MMP28: variants seen among roughly 807,000 people sequenced by gnomAD.
MMP28 encodes the protein matrix metalloproteinase-28.
In MMP28, 55 loss-of-function variants were observed where a neutral mutation model predicts 60.5. That is an observed-to-expected ratio of 0.91 (90% CI 0.73 to 1.14). The LOEUF is 1.14. Ranked by LOEUF, MMP28 falls within the 50% of genes most tolerant of loss-of-function variation. The pLI is 0.00. For synonymous variants in MMP28, 318 were observed against 312.5 expected (o/e 1.02, Z -0.18); for missense variants, 686 against 738.3 (o/e 0.93, Z 0.82).
At position 35,767,839 on chromosome 17, in the gene MMP28, G is replaced by T; in HGVS notation, c.1081C>A (p.Pro361Thr). The change falls in exon 7 of 8, where the codon CCA (proline) becomes ACA (threonine). Residue 361 changes from proline (P) to threonine (T), a missense_variant. Coordinates refer to ENST00000605424, the MANE Select transcript of MMP28 (RefSeq NM_024302.5). ...AADGNVSEPR[P>T]LQERWVGLPP... ...AGCCCGACCCATCTTTCCTGCAGTG[G>T]ACGGGGCTCTGAGACGTTGCCATCA... 1 of 1,612,332 alleles carries T rather than the reference G, an allele frequency of 6.2e-7. No homozygotes were observed. Among genetic ancestry groups the T allele is most frequent in the Non-Finnish European group, 8.5e-7 (1 of 1,179,458 alleles).
At chr17:35,794,046 C>G (rs553715356) in intron 1 of MMP28, among the ~76,000 whole-genome samples, 1 of 151,556 alleles carries the variant, frequency 6.6e-6, no homozygotes, top group East Asian at 2.0e-4. Context: ...TGCAGTGAGC[C>G]GAGATCTAGC....
chr17:35,767,388 ATT>A (rs2085979086), intron 7 of MMP28, among the ~76,000 whole-genome samples: 1 of 152,186 alleles, frequency 6.6e-6, no homozygotes. Context: ...AGTGTGAGGT[ATT>A]GTTTTCCCCA....
intron 1 of MMP28, among the ~76,000 whole-genome samples, chr17:35,781,413 C>G (rs564165430): frequency 6.6e-6 from 1 of 152,310 alleles, no homozygotes; most frequent in Admixed American, 6.5e-5. Context: ...CTGAATATTT[C>G]AGCATGTAGG....
In MMP28 at chr17:35,794,915, G is replaced by C. The variant is rs545798704; in HGVS notation, c.111+352C>G. ...CAGCACCAAACTGAGGCTTCCACACGGTTCGGGGGCATCCGACGAATGAAC... is the reference window on the plus strand; with the variant it reads ...CAGCACCAAACTGAGGCTTCCACACCGTTCGGGGGCATCCGACGAATGAAC... On this transcript the variant is annotated intron_variant, in intron 1 of 7. Coordinates refer to ENST00000605424, the MANE Select transcript of MMP28 (RefSeq NM_024302.5). Among the ~76,000 whole-genome samples the C allele has an allele frequency of 4.6e-5, 7 of 152,296 alleles. No individual in the cohort carries two copies. In the East Asian group the frequency reaches 1.4e-3, roughly 30 times the overall value.
Position 35,795,484 on chromosome 17 carries a change from C to T in MMP28, c.-107G>A. 1.3e-6 allele frequency: 1 copy of T among 756,716 alleles called. No individual in the cohort carries two copies. The highest frequency in any genetic ancestry group is 1.9e-6 in the Non-Finnish European group (1 of 526,700). The allele number at this position is 756,716 out of a possible 1,614,324, so 46.9% of individuals were successfully genotyped here. A position where few individuals can be genotyped will look rare whatever the true frequency, so the allele number is the denominator to read the frequency against. ...GGGGATGGGACTGCTCTGCGCCGCCCCCGCACGGAGAGGGACTGTCCCGGG... is the reference window on the plus strand; with the variant it reads ...GGGGATGGGACTGCTCTGCGCCGCCTCCGCACGGAGAGGGACTGTCCCGGG... On this transcript the variant is annotated 5_prime_UTR_variant, in exon 1 of 8. Coordinates refer to ENST00000605424, the MANE Select transcript of MMP28 (RefSeq NM_024302.5).
chr17:35,763,220 A>G (rs1331485896), downstream of MMP28, among the ~76,000 whole-genome samples: 1 of 152,032 alleles, frequency 6.6e-6, no homozygotes, highest in Non-Finnish European at 1.5e-5. Flanking sequence ...GGCTGCTTGA[A>G]GCCAGGAGTT....
Position 35,779,250 on chromosome 17 carries a change from G to T in MMP28, c.185C>A (p.Ala62Asp). The change falls in exon 2 of 8, where the codon GCC becomes GAC. Residue 62 changes from alanine (A) to aspartate (D), a missense_variant. Transcript: ENST00000605424. ...KAPTSTRFSD[A>D]IRAFQWVSQL... The stretch of plus-strand genomic sequence containing the variant: ...CCACATCCCTCCACCCTACCTGATG[G>T]CATCGCTGAATCGAGTGGAGGTGGG... 1 of 1,611,974 alleles carries T rather than the reference G, an allele frequency of 6.2e-7. No homozygotes were observed.
intron 5 of MMP28, 42 bp from the exon 6 acceptor site, chr17:35,768,421 G>C (rs2086014900): frequency 1.3e-6 from 2 of 1,516,188 alleles, no homozygotes; most frequent in Non-Finnish European, 8.9e-7. Flanking sequence ...AACACACATA[G>C]GGTAGAGGGT....
At chr17:35,786,699 C>CAAA (rs200165337) in intron 1 of MMP28, among the ~76,000 whole-genome samples, 3 of 71,066 alleles carry the variant, frequency 4.2e-5, no homozygotes, top group African/African-American at 6.4e-5. Flanking sequence ...CCTGTCTCTA[C>CAAA]AAAAAAAAAA....
chr17:35,764,982 C>G (rs2085906617), downstream of MMP28: 1 of 157,148 alleles, frequency 6.4e-6, no homozygotes, highest in African/African-American at 2.4e-5. Context: ...TGGGCAGAGG[C>G]ATCGCCTAGA....
At position 35,774,789 on chromosome 17, in the gene MMP28, G is replaced by A. The variant is rs575728921; in HGVS notation, c.380-1385C>T. Reference sequence around the variant, plus strand: ...ACGAGGAGAGAGGGAATGACTCTAAGGAAGGGAGGGAGACAAAGAAGGCAG... The same window carrying A: ...ACGAGGAGAGAGGGAATGACTCTAAAGAAGGGAGGGAGACAAAGAAGGCAG... On this transcript the variant is annotated intron_variant, in intron 3 of 7. Coordinates refer to ENST00000605424, the MANE Select transcript of MMP28 (RefSeq NM_024302.5). Among the ~76,000 whole-genome samples, 4 of 152,314 alleles carry A rather than the reference G, an allele frequency of 2.6e-5. No individual in the cohort carries two copies. The East Asian group carries it at 7.7e-4, about 29-fold the overall frequency.
chr17:35,761,381 G>A (rs1214202856), downstream of MMP28, among the ~76,000 whole-genome samples: 1 of 150,552 alleles, frequency 6.6e-6, no homozygotes, highest in Non-Finnish European at 1.5e-5. Flanking sequence ...AAAGTCCTGG[G>A]ATTACAGGCA....
Position 35,770,300 on chromosome 17 carries a change from G to A in MMP28, c.617C>T (p.Ala206Val). Residue 206 changes from alanine to valine, a missense_variant, in exon 5 of 8, where the codon GCG becomes GTG. Ala to Val is a moderately conservative substitution (Grantham distance 64). Transcript: ENST00000605424. ...GCCGCGGCGGGGCAGGAAGGCGTGC[G>A]CCAGGGCGCCCCCTGCAGGTGGGGC... Reference protein sequence around the residue: ...NAFDGPGGALAHAFLPRRGEA... With the variant: ...NAFDGPGGALVHAFLPRRGEA... The A allele has an allele frequency of 3.3e-6, 5 of 1,523,322 alleles. No homozygotes were observed. Among genetic ancestry groups the A allele is most frequent in the Non-Finnish European group, 4.4e-6 (5 of 1,144,086 alleles). 94.4% of individuals were successfully genotyped at this position (1,523,322 alleles called of 1,614,324 possible).
exon 3 of MMP28, chr17:35,756,284 G>T: frequency 2.2e-6 from 1 of 453,642 alleles, no homozygotes. Context: ...CTCTCTTAGA[G>T]ACAGATGATC....
chr17:35,764,346 C>A, downstream of MMP28: 1 of 1,460,788 alleles, frequency 6.8e-7, no homozygotes, highest in Non-Finnish European at 9.0e-7. Context: ...GCTCCTCGAC[C>A]GGGGCACGAG....
At chr17:35,761,726 C>A (rs587761547), downstream of MMP28, among the ~76,000 whole-genome samples, 24 of 152,340 alleles carry the variant, frequency 1.6e-4, no homozygotes, top group South Asian at 4.6e-3. Context: ...GCTTGGAACA[C>A]GTCCCTCTAC....
intron 2 of MMP28, among the ~76,000 whole-genome samples, chr17:35,759,061 A>T (rs2085772404): frequency 6.6e-6 from 1 of 152,240 alleles, no homozygotes; most frequent in Non-Finnish European, 1.5e-5. Flanking sequence ...GTGGCCTCCA[A>T]ACTGAATTGT....
intron 1 of MMP28, among the ~76,000 whole-genome samples, chr17:35,788,750 T>C (rs1030762761): frequency 6.6e-6 from 1 of 152,044 alleles, no homozygotes; most frequent in Non-Finnish European, 1.5e-5. Context: ...TATACAGATA[T>C]AGCTAGACCA....
At chr17:35,769,201 T>C (rs904700216) in intron 5 of MMP28, among the ~76,000 whole-genome samples, 1 of 152,198 alleles carries the variant, frequency 6.6e-6, no homozygotes, top group African/African-American at 2.4e-5. Context: ...TATCTTGATC[T>C]GTGGACAAAA....
Sources: gnomAD v4.1 joint callset for allele counts (sites outside exome capture counted in the v4.1 genomes callset) on GRCh38, gnomAD v4.1.1 for gene constraint, MANE v1.5 for transcripts, NCBI Gene and HGNC (gene_info 2026-07-23, HGNC 2026-07-21) for gene names.